The following MAGI2 variants were observed in gnomAD, a reference collection of about 807,000 sequenced individuals.
MAGI2 encodes the protein membrane-associated guanylate kinase, WW and PDZ domain-containing protein 2.
In MAGI2, 35 loss-of-function variants were observed where a neutral mutation model predicts 133.3. The observed-to-expected ratio is 0.26, with a 90% CI of 0.20 to 0.35. MAGI2 has a LOEUF of 0.35. Ranked by LOEUF, MAGI2 falls within the 10% of genes least tolerant of loss-of-function variation. MAGI2 has a pLI of 1.00. For synonymous variants in MAGI2, 729 were observed against 710.6 expected, an observed-to-expected ratio of 1.03 and a Z score of -0.41; for missense variants, 1,636 against 1,863.4, an observed-to-expected ratio of 0.88 and a Z score of 2.25.
At chr7:79,407,170 T>C (rs1366837928) in intron 1 of MAGI2, among the ~76,000 whole-genome samples, 1 of 152,156 alleles carries the variant, frequency 6.6e-6, no homozygotes, top group African/African-American at 2.4e-5. Flanking sequence ...AGAATCAAAA[T>C]GATGAATTTT....
chr7:78,663,480 C>G (rs1813206200), intron 2 of MAGI2, among the ~76,000 whole-genome samples: 2 of 152,148 alleles, frequency 1.3e-5, no homozygotes, highest in South Asian at 4.1e-4. Context: ...GCTGAGACTA[C>G]AGGCGTGAGC....
At chr7:79,101,723 CAAAAAAAAAAAA>C (rs376256842) in intron 1 of MAGI2, among the ~76,000 whole-genome samples, 1 of 112,782 alleles carries the variant, frequency 8.9e-6, no homozygotes, top group Non-Finnish European at 1.7e-5. Flanking sequence ...GACTCTGTCA[CAAAAAAAAAAAA>C]AAAAAGAAAA....
At chr7:79,032,048 C>T (rs1048881958) in intron 1 of MAGI2, among the ~76,000 whole-genome samples, 2 of 151,818 alleles carry the variant, frequency 1.3e-5, no homozygotes, top group African/African-American at 4.8e-5. Flanking sequence ...TAATTTTAGC[C>T]CTCAGTTGAG....
At chr7:78,537,836 C>A (rs1160343428) in intron 3 of MAGI2, among the ~76,000 whole-genome samples, 2 of 151,976 alleles carry the variant, frequency 1.3e-5, no homozygotes, top group East Asian at 1.9e-4. Context: ...TGTGTAGAAG[C>A]TTTTTAGTTT....
chr7:79,183,905 G>T (rs922504375), intron 1 of MAGI2, among the ~76,000 whole-genome samples: 1 of 151,794 alleles, frequency 6.6e-6, no homozygotes, highest in East Asian at 1.9e-4. Flanking sequence ...AATACTGCAT[G>T]ATCTTATTTG....
At chr7:79,444,177 G>C (rs1192443733) in intron 1 of MAGI2, among the ~76,000 whole-genome samples, 1 of 152,082 alleles carries the variant, frequency 6.6e-6, no homozygotes, top group Non-Finnish European at 1.5e-5. Flanking sequence ...AATAATAAGA[G>C]CTATCTATGA....
chr7:78,372,266 G>A (rs375355922), intron 6 of MAGI2, among the ~76,000 whole-genome samples: 1 of 152,012 alleles, frequency 6.6e-6, no homozygotes, highest in East Asian at 1.9e-4. Flanking sequence ...ACACTGAAGA[G>A]TACACATCTA....
At chr7:79,243,224 T>C (rs1585305907) in intron 1 of MAGI2, among the ~76,000 whole-genome samples, 2 of 152,252 alleles carry the variant, frequency 1.3e-5, no homozygotes, top group East Asian at 3.9e-4. Context: ...TGTACACAGA[T>C]ACACATTACC....
intron 2 of MAGI2, among the ~76,000 whole-genome samples, chr7:78,969,896 T>G (rs1393367206): frequency 1.3e-5 from 2 of 152,046 alleles, no homozygotes; most frequent in Non-Finnish European, 2.9e-5. Flanking sequence ...AAGCAAACAT[T>G]TTTTTGTGTA....
intron 21 of MAGI2, among the ~76,000 whole-genome samples, chr7:78,061,477 G>C (rs1374466518): frequency 6.6e-6 from 1 of 151,428 alleles, no homozygotes; most frequent in African/African-American, 2.4e-5. Flanking sequence ...AGCCAGCCAA[G>C]GTAGTTTTGA....
chr7:79,407,118 C>T (rs946606966), intron 1 of MAGI2, among the ~76,000 whole-genome samples: 10 of 152,132 alleles, frequency 6.6e-5, no homozygotes, highest in East Asian at 1.9e-4. Context: ...TTTTTCTATG[C>T]GTTTTGTAAA....
At chr7:79,405,095 T>C (rs1307875956) in intron 1 of MAGI2, among the ~76,000 whole-genome samples, 1 of 152,092 alleles carries the variant, frequency 6.6e-6, no homozygotes, top group Non-Finnish European at 1.5e-5. Context: ...CTACAAGGTG[T>C]CAGAAAATTC....
intron 21 of MAGI2, among the ~76,000 whole-genome samples, chr7:78,024,095 CA>C (rs1195778933): frequency 1.3e-5 from 2 of 152,128 alleles, no homozygotes; most frequent in Non-Finnish European, 2.9e-5. Context: ...TATATCTTAC[CA>C]CATTTTCACA....
intron 1 of MAGI2, among the ~76,000 whole-genome samples, chr7:79,178,978 TATTA>T (rs1006887677): frequency 2.0e-5 from 3 of 151,914 alleles, no homozygotes; most frequent in African/African-American, 4.8e-5. Context: ...TTTAGTAAAT[TATTA>T]ATTAAACAAA....
intron 6 of MAGI2, among the ~76,000 whole-genome samples, chr7:78,444,591 T>C (rs993293833): frequency 1.1e-3 from 164 of 152,182 alleles, no homozygotes; most frequent in African/African-American, 3.7e-3. Flanking sequence ...TATTATTGTA[T>C]TGGAGAGCCA....
intron 2 of MAGI2, among the ~76,000 whole-genome samples, chr7:78,814,339 A>T (rs12113284): frequency 3.9e-5 from 6 of 152,212 alleles, no homozygotes; most frequent in African/African-American, 1.4e-4. Context: ...AAAAATAAAT[A>T]TAATAGCGGT....
chr7:78,444,871 T>A (rs1481057096), intron 6 of MAGI2, among the ~76,000 whole-genome samples: 1 of 147,674 alleles, frequency 6.8e-6, no homozygotes, highest in African/African-American at 2.5e-5. Flanking sequence ...ATATATAAAT[T>A]TATATTTATA....
chr7:78,838,509 AGTGTGT>A (rs34844201), intron 2 of MAGI2, among the ~76,000 whole-genome samples: 29 of 147,754 alleles, frequency 2.0e-4, no homozygotes, highest in East Asian at 4.0e-4. Context: ...TATGTGTGTG[AGTGTGT>A]GTGTGTGTGT....
At chr7:78,172,387 C>T (rs1051702147) in intron 14 of MAGI2, among the ~76,000 whole-genome samples, 5 of 152,302 alleles carry the variant, frequency 3.3e-5, no homozygotes, top group Non-Finnish European at 7.3e-5. Context: ...CACTCCTGTG[C>T]CAAAGACTAG....
Sources: gnomAD v4.1 joint callset for allele counts (sites outside exome capture counted in the v4.1 genomes callset) on GRCh38, gnomAD v4.1.1 for gene constraint, MANE v1.5 for transcripts, NCBI Gene and HGNC (gene_info 2026-07-23, HGNC 2026-07-21) for gene names.